Variants in SDCCAG8 observed in about 807,000 individuals in gnomAD.
The protein encoded by SDCCAG8 is SHH signaling and ciliogenesis regulator SDCCAG8.
A neutral mutation model predicts 101.8 loss-of-function variants in SDCCAG8; 74 were observed. That is an observed-to-expected ratio of 0.73 (90% confidence interval 0.60 to 0.88). The LOEUF (loss-of-function observed/expected upper bound fraction) is 0.88, where lower values mean the gene tolerates loss of function less well. Among genes scored for constraint, SDCCAG8 ranks in the 40% least tolerant of loss-of-function variants. The pLI is 0.00. For missense variants in SDCCAG8, 787 were observed against 822.6 expected (o/e 0.96, Z 0.53); for synonymous variants, 281 against 292.9 (o/e 0.96, Z 0.41).
chr1:243,484,518 G>A (rs983743985), intron 16 of SDCCAG8, among the ~76,000 whole-genome samples: 2 of 152,182 alleles, frequency 1.3e-5, no homozygotes, highest in Admixed American at 6.5e-5. Flanking sequence ...TCTAGTGCCC[G>A]ACATAAAAGT....
intron 16 of SDCCAG8, among the ~76,000 whole-genome samples, chr1:243,459,825 G>A (rs773220838): frequency 1.6e-4 from 24 of 152,026 alleles, no homozygotes; most frequent in Non-Finnish European, 3.2e-4. Context: ...GGCTGGTCTT[G>A]AACTCCTGGC....
intron 16 of SDCCAG8, among the ~76,000 whole-genome samples, chr1:243,473,941 C>CGGGG (rs1373725794): frequency 5.0e-4 from 10 of 19,982 alleles, no homozygotes; most frequent in African/African-American, 6.8e-4. Context: ...GGGGGGGGGC[C>CGGGG]GGGGGAGTAC....
intron 16 of SDCCAG8, among the ~76,000 whole-genome samples, chr1:243,469,851 T>A (rs1478008689): frequency 2.7e-5 from 4 of 149,346 alleles, no homozygotes; most frequent in Non-Finnish European, 4.5e-5. Flanking sequence ...TTTTTTTTTT[T>A]AGTCTTCTAA....
At chr1:243,407,610 T>C (rs2079877038) in intron 13 of SDCCAG8, among the ~76,000 whole-genome samples, 1 of 152,210 alleles carries the variant, frequency 6.6e-6, no homozygotes, top group Non-Finnish European at 1.5e-5. Context: ...ATTTTGGAGA[T>C]ACTGTAAGAA....
intron 13 of SDCCAG8, among the ~76,000 whole-genome samples, chr1:243,410,020 G>C (rs1248811612): frequency 6.6e-6 from 1 of 152,148 alleles, no homozygotes; most frequent in Non-Finnish European, 1.5e-5. Flanking sequence ...AATTACTTTT[G>C]TGCCAACCTG....
chr1:243,312,289 A>G (rs544718199), intron 8 of SDCCAG8, among the ~76,000 whole-genome samples: 1 of 152,376 alleles, frequency 6.6e-6, no homozygotes, highest in East Asian at 1.9e-4. Context: ...GAATGTTTAA[A>G]AATGATACCT....
intron 10 of SDCCAG8, among the ~76,000 whole-genome samples, chr1:243,331,187 G>A (rs904069464): frequency 5.9e-5 from 9 of 152,206 alleles, no homozygotes; most frequent in South Asian, 2.1e-4. Context: ...GAATAATGAC[G>A]GTAACCAGAT....
At chr1:243,348,441 C>T (rs1023162195) in intron 12 of SDCCAG8, among the ~76,000 whole-genome samples, 1 of 151,824 alleles carries the variant, frequency 6.6e-6, no homozygotes, top group Non-Finnish European at 1.5e-5. Context: ...ATTCAGGATT[C>T]TGCCAGGGGC....
chr1:243,489,231 G>A, intron 17 of SDCCAG8, 91 bp downstream of exon 17: 19 of 1,490,816 alleles, frequency 1.3e-5, no homozygotes, highest in Non-Finnish European at 1.7e-5. Context: ...GCTTTCTCAC[G>A]GATCACATCG....
At chr1:243,266,356 A>G (rs2067585211) in intron 1 of SDCCAG8, among the ~76,000 whole-genome samples, 1 of 149,580 alleles carries the variant, frequency 6.7e-6, no homozygotes, top group Admixed American at 6.7e-5. Flanking sequence ...TCACTCTGTC[A>G]CCCAGCCTGG....
intron 9 of SDCCAG8, chr1:243,318,616 C>G: frequency 1.0e-6 from 1 of 975,060 alleles, no homozygotes; most frequent in Non-Finnish European, 1.2e-6. Context: ...CCCGTTTGAC[C>G]CTCATGCCTT....
In SDCCAG8 at chr1:243,341,103, A is replaced by G; in HGVS notation, c.1286A>G (p.Lys429Arg). 1.2e-6 allele frequency: 2 copies of G among 1,614,132 alleles called. No homozygotes were observed. The highest frequency in any genetic ancestry group is 1.7e-6 in the Non-Finnish European group (2 of 1,179,940). The change falls in exon 11 of 18, where the codon AAG (lysine) becomes AGG (arginine). Residue 429 changes from lysine to arginine, a missense_variant. By Grantham distance (26) the Lys-to-Arg change is conservative (BLOSUM62 2). Coordinates refer to ENST00000366541, the MANE Select transcript of SDCCAG8 (RefSeq NM_006642.5). ...EAQVEKVTKE[K>R]ISAINQLEEI... ...CAGGTGGAAAAGGTTACAAAGGAAA[A>G]GATTTCAGCTATTAATCAACTGGAG...
chr1:243,334,477 A>G (rs1298637211), intron 10 of SDCCAG8, among the ~76,000 whole-genome samples: 6 of 152,152 alleles, frequency 3.9e-5, no homozygotes, highest in Non-Finnish European at 5.9e-5. Context: ...AAGCATGTAC[A>G]TATGCCTCTC....
At chr1:243,443,454 A>G (rs571502988) in intron 16 of SDCCAG8, among the ~76,000 whole-genome samples, 3 of 152,298 alleles carry the variant, frequency 2.0e-5, no homozygotes, top group South Asian at 4.1e-4. Flanking sequence ...AAGGTTGCAT[A>G]GGATGGGGGC....
At chr1:243,301,086 T>A (rs1015323191) in intron 6 of SDCCAG8, among the ~76,000 whole-genome samples, 8 of 152,216 alleles carry the variant, frequency 5.3e-5, no homozygotes, top group Non-Finnish European at 8.8e-5. Context: ...TTTCAAAACT[T>A]ATGTACACTA....
intron 1 of SDCCAG8, chr1:243,267,750 C>T: frequency 3.7e-6 from 3 of 802,290 alleles, no homozygotes; most frequent in East Asian, 4.8e-5. Context: ...GGATCCTTGG[C>T]GATCCTTAGA....
At chr1:243,381,237 C>G (rs1313327251) in intron 13 of SDCCAG8, among the ~76,000 whole-genome samples, 1 of 152,098 alleles carries the variant, frequency 6.6e-6, no homozygotes, top group Non-Finnish European at 1.5e-5. Flanking sequence ...ATCTGTACAT[C>G]AACCTAAAAG....
intron 12 of SDCCAG8, among the ~76,000 whole-genome samples, chr1:243,354,291 T>G (rs1242361685): frequency 1.3e-5 from 2 of 152,232 alleles, no homozygotes; most frequent in Non-Finnish European, 2.9e-5. Context: ...GCATGGAGCC[T>G]CAAGTTTTAT....
At chr1:243,331,329 A>G (rs2074576723) in intron 10 of SDCCAG8, among the ~76,000 whole-genome samples, 1 of 152,250 alleles carries the variant, frequency 6.6e-6, no homozygotes, top group Non-Finnish European at 1.5e-5. Flanking sequence ...GAATTGAGCA[A>G]GTTGTGGTCC....
Sources: allele counts gnomAD v4.1 joint callset (sites outside exome capture counted in the v4.1 genomes callset), GRCh38; gene constraint gnomAD v4.1.1; transcripts MANE v1.5; gene names NCBI Gene and HGNC (gene_info 2026-07-23, HGNC 2026-07-21).